The following ZRANB3 variants were observed in gnomAD, a reference collection of about 807,000 sequenced individuals.
The protein encoded by ZRANB3 is DNA annealing helicase and endonuclease ZRANB3.
ZRANB3 carries 125 observed loss-of-function variants against 133.8 expected under a neutral mutation model. The observed-to-expected ratio is 0.93, with a 90% CI of 0.81 to 1.08. The LOEUF (loss-of-function observed/expected upper bound fraction) is 1.08. ZRANB3 is among the 50% of genes least tolerant of loss of function. The pLI, the probability that ZRANB3 is intolerant of heterozygous loss-of-function variation, is 0.00. For synonymous variants in ZRANB3, 387 were observed against 432.7 expected (o/e 0.89, Z 1.31); for missense variants, 1,229 against 1,275.5 (o/e 0.96, Z 0.56).
At chr2:135,276,579 T>C (rs547469794) in intron 8 of ZRANB3, among the ~76,000 whole-genome samples, 1 of 152,320 alleles carries the variant, frequency 6.6e-6, no homozygotes, top group South Asian at 2.1e-4. Context: ...AATCTATGTA[T>C]CTTTTAACTT....
At chr2:135,332,680 C>A (rs181394654) in intron 6 of ZRANB3, among the ~76,000 whole-genome samples, 5 of 152,254 alleles carry the variant, frequency 3.3e-5, no homozygotes, top group Admixed American at 3.3e-4. Context: ...TCCTAAGAAA[C>A]CGTTCTACCT....
At chr2:135,510,526 G>A (rs79561368) in intron 1 of ZRANB3, 36,377 of 633,234 alleles carry the variant, frequency 0.057, 1,331 homozygotes, top group Admixed American at 0.11. Flanking sequence ...TTGTATGGCC[G>A]CGTGAAGATC....
rs750118636 is a variant in ZRANB3 at position 135,230,939 on chromosome 2, AAACAG to A, written c.1540-17_1540-13del. The A allele has an allele frequency of 2.9e-5, 44 of 1,531,290 alleles. No individual in the cohort carries two copies. The East Asian group carries it at 1.0e-3, about 35-fold the overall frequency. The allele number at this position is 1,531,290 out of a possible 1,614,324, so 94.9% of individuals were successfully genotyped here. A position where few individuals can be genotyped will look rare whatever the true frequency, so the allele number is the denominator to read the frequency against. On this transcript the variant is annotated splice_polypyrimidine_tract_variant and intron_variant, in intron 12 of 20. Transcript: ENST00000264159. ...TTTTCTTTTTCGAACTAGGAAAAGC[AAACAG>A]TAGTTATCAAAGTAAGAAGCAATCT...
intron 3 of ZRANB3, among the ~76,000 whole-genome samples, chr2:135,379,781 T>A (rs138543731): frequency 3.3e-5 from 5 of 152,130 alleles, no homozygotes; most frequent in Admixed American, 3.3e-4. Context: ...GCTAACATCA[T>A]AATGACAGGA....
rs1225493908 is a variant in ZRANB3 at position 135,370,770 on chromosome 2, G to C, written c.181-17142C>G. On this transcript the variant is annotated intron_variant, in intron 3 of 20. Transcript: ENST00000264159. ...AGGCCCATTGATGTGATTTGGCTCT[G>C]TGTCCCCACCCAAATCTCACCTTGA... Among the ~76,000 whole-genome samples the C allele has an allele frequency of 2.0e-5, 3 of 152,184 alleles. No individual in the cohort carries two copies. The South Asian group carries it at 6.2e-4, about 32-fold the overall frequency.
rs143333636 is a variant in ZRANB3 at position 135,492,078 on chromosome 2, C to T, written c.161+12251G>A. 3.0e-3 allele frequency among the ~76,000 whole-genome samples: 453 copies of T among 151,988 alleles called. 3 individuals carry two copies. Among genetic ancestry groups the T allele is most frequent in the African/African-American group, 0.01 (422 of 41,448 alleles). ...TAAATTACTAATGGTTTATACTAAA[C>T]GAAAACAGGAAAACATGGATTATAT... On this transcript the variant is annotated intron_variant, in intron 2 of 20. Coordinates refer to ENST00000264159, the MANE Select transcript of ZRANB3 (RefSeq NM_032143.4).
chr2:135,306,279 G>C (rs930258032), intron 8 of ZRANB3, among the ~76,000 whole-genome samples: 5 of 146,250 alleles, frequency 3.4e-5, no homozygotes, highest in Non-Finnish European at 7.5e-5. Context: ...TTTTTCATCT[G>C]ACTGATTTTT....
At chr2:135,246,548 A>C (rs1352777377) in intron 12 of ZRANB3, among the ~76,000 whole-genome samples, 4 of 152,228 alleles carry the variant, frequency 2.6e-5, no homozygotes, top group African/African-American at 4.8e-5. Context: ...CATCAACAAC[A>C]ATGACTCCCT....
chr2:135,403,836 A>G (rs1457917798), intron 2 of ZRANB3, among the ~76,000 whole-genome samples: 7 of 152,240 alleles, frequency 4.6e-5, no homozygotes, highest in African/African-American at 7.2e-5. Context: ...ATGCCCAGGC[A>G]AACAGGGCCT....
chr2:135,246,896 CT>C (rs1695825386), intron 12 of ZRANB3, among the ~76,000 whole-genome samples: 1 of 152,146 alleles, frequency 6.6e-6, no homozygotes, highest in African/African-American at 2.4e-5. Flanking sequence ...AACTACTGGT[CT>C]TTACAGACAA....
rs958005028 is a variant in ZRANB3 at position 135,280,118 on chromosome 2, A to C, written c.967-4363T>G. 3.3e-5 allele frequency among the ~76,000 whole-genome samples: 5 copies of C among 152,204 alleles called. 1 individual carries two copies. The highest frequency in any genetic ancestry group is 7.3e-5 in the Non-Finnish European group (5 of 68,034). ...ATAGCAGGTCCTCATAATAATCAGC[A>C]TCTTGGTAGTGTCGGTTCAGGTTTC... On this transcript the variant is annotated intron_variant, in intron 8 of 20. Transcript: ENST00000264159.
At chr2:135,412,029 G>A (rs1688325985) in intron 2 of ZRANB3, among the ~76,000 whole-genome samples, 1 of 152,026 alleles carries the variant, frequency 6.6e-6, no homozygotes, top group East Asian at 1.9e-4. Context: ...CTTAAACTAA[G>A]GGCTTAGCAC....
chr2:135,284,196 AATAAG>A (rs1681234970), intron 8 of ZRANB3, among the ~76,000 whole-genome samples: 1 of 152,210 alleles, frequency 6.6e-6, no homozygotes, highest in African/African-American at 2.4e-5. Flanking sequence ...TCATCTATAA[AATAAG>A]ATAAAAGTAC....
intron 2 of ZRANB3, among the ~76,000 whole-genome samples, chr2:135,447,172 C>G (rs1690058665): frequency 6.6e-6 from 1 of 152,082 alleles, no homozygotes; most frequent in African/African-American, 2.4e-5. Flanking sequence ...ATCCTCCTAG[C>G]TAGGATTACA....
intron 2 of ZRANB3, among the ~76,000 whole-genome samples, chr2:135,401,883 T>A (rs1346961153): frequency 6.6e-6 from 1 of 152,198 alleles, no homozygotes; most frequent in Non-Finnish European, 1.5e-5. Flanking sequence ...AAACTTTCAA[T>A]ATTTAAGAGA....
intron 2 of ZRANB3, among the ~76,000 whole-genome samples, chr2:135,423,904 C>T (rs1688965385): frequency 6.6e-6 from 1 of 152,194 alleles, no homozygotes; most frequent in African/African-American, 2.4e-5. Context: ...AAATAATCTA[C>T]AGCAAAGACT....
At chr2:135,515,214 C>T (rs570434379) in intron 1 of ZRANB3, among the ~76,000 whole-genome samples, 1 of 152,238 alleles carries the variant, frequency 6.6e-6, no homozygotes, top group Non-Finnish European at 1.5e-5. Context: ...AGGAATGGTA[C>T]CAGCTCCTCT....
intron 8 of ZRANB3, among the ~76,000 whole-genome samples, chr2:135,312,767 G>C (rs1320290231): frequency 1.3e-5 from 2 of 152,010 alleles, no homozygotes; most frequent in Non-Finnish European, 2.9e-5. Flanking sequence ...TGTAATCCCA[G>C]CAGTTTGGAA....
At position 135,405,376 on chromosome 2, in the gene ZRANB3, C is replaced by T. The variant is rs375126123; in HGVS notation, c.162-14556G>A. On this transcript the variant is annotated intron_variant, in intron 2 of 20. Transcript: ENST00000264159. ...ACTCACACACAATAAAAATGGGAGA[C>T]TTTAACATGCCACTGTCAACATTAG... 7.2e-5 allele frequency among the ~76,000 whole-genome samples: 11 copies of T among 152,140 alleles called. 1 individual carries two copies. The highest frequency in any genetic ancestry group is 5.8e-4 in the East Asian group (3 of 5,204).
Sources: allele counts gnomAD v4.1 joint callset (sites outside exome capture counted in the v4.1 genomes callset), GRCh38; gene constraint gnomAD v4.1.1; transcripts MANE v1.5; gene names NCBI Gene and HGNC (gene_info 2026-07-23, HGNC 2026-07-21).